Variants in HAUS6 observed in about 807,000 individuals in gnomAD.
The protein encoded by HAUS6 is HAUS augmin like complex subunit 6.
A neutral mutation model predicts 106.8 loss-of-function variants in HAUS6; 80 were observed. That is an observed-to-expected ratio of 0.75 (90% CI 0.63 to 0.90). HAUS6 has a LOEUF of 0.90. Ranked by LOEUF, HAUS6 falls within the 40% of genes least tolerant of loss-of-function variation. The pLI, the probability that HAUS6 is intolerant of heterozygous loss-of-function variation, is 0.00. For synonymous variants in HAUS6, 356 were observed against 379.1 expected (o/e 0.94, Z 0.71); for missense variants, 1,155 against 1,118.1 (o/e 1.03, Z -0.47).
intron 6 of HAUS6, 113 bp from the exon 7 acceptor site, chr9:19,086,895 A>G (rs1276791893): frequency 1.6e-6 from 1 of 633,150 alleles, no homozygotes; most frequent in Non-Finnish European, 2.8e-6. Flanking sequence ...CCAACAAAAA[A>G]TAAAATTTAA....
chr9:19,080,328 A>T (rs112810835), intron 9 of HAUS6, 151 bp downstream of exon 9: 2 of 585,476 alleles, frequency 3.4e-6, no homozygotes, highest in Non-Finnish European at 6.0e-6. Context: ...TGCTTCATGT[A>T]TATCTCCAAG....
intron 1 of HAUS6, among the ~76,000 whole-genome samples, chr9:19,097,308 C>G (rs931790344): frequency 6.6e-6 from 1 of 152,134 alleles, no homozygotes; most frequent in Admixed American, 6.5e-5. Context: ...TCAGAGTGAA[C>G]AGGCAACCTA....
intron 16 of HAUS6, chr9:19,056,795 C>G (rs1416079666): frequency 6.0e-6 from 1 of 165,546 alleles, no homozygotes; most frequent in Non-Finnish European, 1.3e-5. Flanking sequence ...GAGACATAGT[C>G]TCCCTGTGTT....
intron 6 of HAUS6, 67 bp from the exon 7 acceptor site, chr9:19,086,849 CTAAT>C: frequency 1.4e-6 from 1 of 718,740 alleles, no homozygotes; most frequent in Non-Finnish European, 2.4e-6. Context: ...ATCCAAAGAG[CTAAT>C]TAGTCTGCAA....
chr9:19,089,835 T>A (rs2131146425), intron 4 of HAUS6: 2 of 397,322 alleles, frequency 5.0e-6, no homozygotes, highest in Non-Finnish European at 9.0e-6. Flanking sequence ...GTTTTGGTAT[T>A]TTGGGTTGTT....
chr9:19,063,236 G>C (rs770731441), intron 13 of HAUS6, 43 bp from the exon 14 acceptor site: 2 of 1,279,652 alleles, frequency 1.6e-6, no homozygotes, highest in African/African-American at 3.0e-5. Flanking sequence ...TAATAATCAT[G>C]GCTGATCCTG....
Position 19,094,366 on chromosome 9 carries a change from C to A in HAUS6, c.254G>T (p.Ser85Ile), listed in dbSNP as rs142532991. ...GCAATGTTTTCGGAATTCAGTGTCA[C>A]TTTTTTGGTCAAATGGGGGCCAACA... ...KFCWPPFDQKSDTEFRKHCCE... is the reference protein window; with the variant it reads ...KFCWPPFDQKIDTEFRKHCCE... The change falls in exon 3 of 17, where the codon AGT (serine) becomes ATT (isoleucine). Residue 85 changes from serine (S) to isoleucine (I), a missense_variant. Ser to Ile is a moderately radical substitution (Grantham distance 142). Transcript: ENST00000380502. 1.2e-6 allele frequency: 2 copies of A among 1,608,434 alleles called. No individual in the cohort carries two copies. Among genetic ancestry groups the A allele is most frequent in the Non-Finnish European group, 1.7e-6 (2 of 1,175,766 alleles).
At chr9:19,076,770 A>G in intron 10 of HAUS6, 66 bp from the exon 11 acceptor site, 1 of 739,294 alleles carries the variant, frequency 1.4e-6, no homozygotes, top group Non-Finnish European at 2.5e-6. Context: ...AACAATACTG[A>G]GTTAATCTAT....
chr9:19,088,044 T>C (rs1216509614), intron 5 of HAUS6, among the ~76,000 whole-genome samples: 1 of 151,988 alleles, frequency 6.6e-6, no homozygotes, highest in African/African-American at 2.4e-5. Context: ...TTAAGTGGTT[T>C]AAAAAAATGA....
At chr9:19,092,718 G>A (rs533273025) in intron 4 of HAUS6, among the ~76,000 whole-genome samples, 21 of 150,418 alleles carry the variant, frequency 1.4e-4, no homozygotes, top group African/African-American at 5.1e-4. Context: ...GAGGTCAGGA[G>A]TTCAAGACCA....
At chr9:19,086,952 A>T (rs564056228) in intron 6 of HAUS6, 139 bp downstream of exon 6, 1 of 629,778 alleles carries the variant, frequency 1.6e-6, no homozygotes, top group South Asian at 2.0e-5. Flanking sequence ...TAGCAGTCAT[A>T]ACTATGCTCT....
intron 8 of HAUS6, among the ~76,000 whole-genome samples, chr9:19,081,556 C>T (rs1462745787): frequency 6.6e-6 from 1 of 152,044 alleles, no homozygotes; most frequent in African/African-American, 2.4e-5. Flanking sequence ...CCTCCCACCT[C>T]AGCCTCCCAA....
At chr9:19,071,505 C>A (rs1320751882) in intron 11 of HAUS6, among the ~76,000 whole-genome samples, 1 of 151,324 alleles carries the variant, frequency 6.6e-6, no homozygotes, top group Non-Finnish European at 1.5e-5. Flanking sequence ...CCCAAATAGG[C>A]TAAATAAAAC....
chr9:19,099,018 A>G (rs1344533496), intron 1 of HAUS6, among the ~76,000 whole-genome samples: 5 of 7,194 alleles, frequency 7.0e-4, no homozygotes, highest in Non-Finnish European at 1.3e-3. Flanking sequence ...ACTCCATCTC[A>G]AAAAAAAAAA....
At chr9:19,061,655 T>A (rs1327960949) in intron 14 of HAUS6, among the ~76,000 whole-genome samples, 2 of 151,904 alleles carry the variant, frequency 1.3e-5, no homozygotes. Context: ...GGCAAAAGAG[T>A]GAGTTCCCAA....
intron 9 of HAUS6, 81 bp downstream of exon 9, chr9:19,080,398 G>T: frequency 1.2e-6 from 1 of 817,502 alleles, no homozygotes; most frequent in South Asian, 1.5e-5. Flanking sequence ...CAAAGCTGAA[G>T]AGCTATTAAA....
intron 15 of HAUS6, 43 bp downstream of exon 15, chr9:19,060,045 T>G (rs1033521802): frequency 6.6e-7 from 1 of 1,519,408 alleles, no homozygotes; most frequent in Middle Eastern, 1.7e-4. Flanking sequence ...ACAGTGGTTA[T>G]GTCGATGAAA....
rs574838312 is a variant in HAUS6 at position 19,076,833 on chromosome 9, T to C, written c.1192-129A>G. ...TCAGAATTACCAAGAATGTATCAGA[T>C]AACTATTTTTATTTATTTATTTTTC... On this transcript the variant is annotated intron_variant, in intron 10 of 16. Coordinates refer to ENST00000380502, the MANE Select transcript of HAUS6 (RefSeq NM_017645.5). 6.7e-5 allele frequency: 40 copies of C among 596,858 alleles called. No homozygotes were observed. The African/African-American group carries it at 7.5e-4, about 11-fold the overall frequency. 37.0% of individuals were successfully genotyped at this position (596,858 alleles called of 1,614,324 possible).
rs1255857354 is a variant in HAUS6, at chr9:19,092,644, C to G, written c.436+527G>C. 3.1e-5 allele frequency among the ~76,000 whole-genome samples: 4 copies of G among 130,696 alleles called. No homozygotes were observed. In the East Asian group the frequency reaches 9.1e-4, roughly 30 times the overall value. 85.7% of individuals were successfully genotyped at this position (130,696 alleles called of 152,430 possible). ...AAAAAAAAAAAAAAAAAAAAAAAAG[C>G]CAGGCGCATTGGCTCATACCTGTAA... On this transcript the variant is annotated intron_variant, in intron 4 of 16. Coordinates refer to ENST00000380502, the MANE Select transcript of HAUS6 (RefSeq NM_017645.5).
Sources: gnomAD v4.1 joint callset for allele counts (sites outside exome capture counted in the v4.1 genomes callset) on GRCh38, gnomAD v4.1.1 for gene constraint, MANE v1.5 for transcripts, NCBI Gene and HGNC (gene_info 2026-07-23, HGNC 2026-07-21) for gene names.